The following ACBD6 variants were observed in gnomAD, a reference collection of about 807,000 sequenced individuals.
ACBD6 encodes the protein acyl-CoA binding domain containing 6, also known as acyl-CoA-binding domain-containing protein 6.
ACBD6 carries 28 observed loss-of-function variants against 37.2 expected under a neutral mutation model. The observed-to-expected ratio is 0.75, with a 90% CI of 0.56 to 1.03. The LOEUF is 1.03. Ranked by LOEUF, ACBD6 falls within the 50% of genes least tolerant of loss-of-function variation. The pLI is 0.00. For missense variants in ACBD6, 340 were observed against 337.4 expected (o/e 1.01, Z -0.06); for synonymous variants, 113 against 126.8 (o/e 0.89, Z 0.73).
chr1:180,316,283 T>G (rs1237380500), intron 6 of ACBD6, among the ~76,000 whole-genome samples: 1 of 151,908 alleles, frequency 6.6e-6, no homozygotes, highest in Non-Finnish European at 1.5e-5. Flanking sequence ...ATATCTATAT[T>G]TGTCAGCTTC....
intron 5 of ACBD6, among the ~76,000 whole-genome samples, chr1:180,410,427 A>G (rs1218379211): frequency 6.6e-6 from 1 of 152,212 alleles, no homozygotes; most frequent in Non-Finnish European, 1.5e-5. Flanking sequence ...CCTGGCCTCA[A>G]AGCTTCAAAA....
intron 6 of ACBD6, among the ~76,000 whole-genome samples, chr1:180,391,887 C>G (rs1204481443): frequency 9.1e-6 from 1 of 110,196 alleles, no homozygotes; most frequent in Non-Finnish European, 2.3e-5. Flanking sequence ...TAGCCAGACA[C>G]TGAAGGAAAA....
At chr1:180,316,041 T>G (rs559897042) in intron 6 of ACBD6, among the ~76,000 whole-genome samples, 1 of 152,236 alleles carries the variant, frequency 6.6e-6, no homozygotes, top group East Asian at 1.9e-4. Context: ...TACTTTTTTT[T>G]CTTGTCTTTT....
chr1:180,394,966 C>CGT (rs1387812094), intron 6 of ACBD6, among the ~76,000 whole-genome samples: 1 of 152,070 alleles, frequency 6.6e-6, no homozygotes, highest in Non-Finnish European at 1.5e-5. Flanking sequence ...AAAATACCAT[C>CGT]AATACAATGG....
chr1:180,333,676 T>C (rs1651576682), intron 6 of ACBD6, among the ~76,000 whole-genome samples: 1 of 152,138 alleles, frequency 6.6e-6, no homozygotes, highest in Admixed American at 6.5e-5. Context: ...TGCAGGACAG[T>C]GAGTGCAGCG....
intron 6 of ACBD6, 93 bp downstream of exon 6, chr1:180,397,423 T>C (rs1052917836): frequency 1.0e-5 from 11 of 1,094,502 alleles, no homozygotes; most frequent in East Asian, 9.4e-5. Context: ...CGCCACTGAA[T>C]TGCACATTTC....
At chr1:180,401,298 A>G (rs892084745) in intron 5 of ACBD6, among the ~76,000 whole-genome samples, 1 of 152,234 alleles carries the variant, frequency 6.6e-6, no homozygotes, top group South Asian at 2.1e-4. Context: ...GAATGACTCT[A>G]AAGTGCTTTG....
rs1371222300 is a variant in ACBD6, at chr1:180,430,210, A to G, written c.437T>C (p.Ile146Thr). 1.2e-5 allele frequency: 19 copies of G among 1,613,420 alleles called. No individual in the cohort carries two copies. Among genetic ancestry groups the G allele is most frequent in the Non-Finnish European group, 1.6e-5 (19 of 1,179,728 alleles). ...EANTGFGGPV[I>T]SSLYHEETIR... ...GGTTTCTTCATGATATAGAGAACTA[A>G]TAACTGGCCCACCAAAACCTGTATT... The change falls in exon 4 of 8, where the codon ATT becomes ACT. Residue 146 changes from isoleucine to threonine, a missense_variant. Physicochemically the swap from Ile to Thr is moderately conservative, Grantham distance 89. Coordinates refer to ENST00000367595, the MANE Select transcript of ACBD6 (RefSeq NM_032360.4).
chr1:180,322,845 A>T (rs1651125697), intron 6 of ACBD6, among the ~76,000 whole-genome samples: 1 of 148,036 alleles, frequency 6.8e-6, no homozygotes, highest in African/African-American at 2.5e-5. Flanking sequence ...TTTCAGTTTG[A>T]TTTATTTATT....
At chr1:180,403,770 T>C (rs576094877) in intron 5 of ACBD6, among the ~76,000 whole-genome samples, 1 of 152,294 alleles carries the variant, frequency 6.6e-6, no homozygotes, top group South Asian at 2.1e-4. Flanking sequence ...TGACACATGC[T>C]ACAACATGAA....
At chr1:180,422,630 T>C (rs10913990) in intron 4 of ACBD6, among the ~76,000 whole-genome samples, 16,341 of 152,248 alleles carry the variant, frequency 0.11, 1,288 homozygotes, top group African/African-American at 0.21. Flanking sequence ...TTTCTTATAA[T>C]GTCATGACAT....
chr1:180,297,658 T>C (rs1270064526), intron 7 of ACBD6, among the ~76,000 whole-genome samples: 1 of 152,178 alleles, frequency 6.6e-6, no homozygotes. Context: ...GTATCATCTT[T>C]ACCAAGGCCG....
chr1:180,398,545 C>T (rs1388170585), intron 5 of ACBD6, among the ~76,000 whole-genome samples: 1 of 152,128 alleles, frequency 6.6e-6, no homozygotes, highest in Non-Finnish European at 1.5e-5. Flanking sequence ...GTGAAAGCCA[C>T]TTGTAAAAGA....
chr1:180,456,425 A>G (rs1649927534), intron 3 of ACBD6, among the ~76,000 whole-genome samples: 1 of 152,144 alleles, frequency 6.6e-6, no homozygotes, highest in Non-Finnish European at 1.5e-5. Flanking sequence ...AGATTAGAAG[A>G]CCATTAATGT....
intron 4 of ACBD6, among the ~76,000 whole-genome samples, chr1:180,417,966 A>C (rs1019247387): frequency 6.6e-6 from 1 of 152,208 alleles, no homozygotes; most frequent in Non-Finnish European, 1.5e-5. Flanking sequence ...ATAATGTTAG[A>C]AAATAATGCC....
intron 3 of ACBD6, among the ~76,000 whole-genome samples, chr1:180,488,648 G>C (rs74922398): frequency 0.064 from 9,653 of 151,868 alleles, 952 homozygotes; most frequent in African/African-American, 0.21. Context: ...AATCATAGCT[G>C]ACTGCAACCC....
At chr1:180,294,752 T>C (rs1205720092) in intron 7 of ACBD6, among the ~76,000 whole-genome samples, 2 of 151,912 alleles carry the variant, frequency 1.3e-5, no homozygotes, top group African/African-American at 4.8e-5. Context: ...TGGAGTGCGG[T>C]GGCACAATCA....
chr1:180,459,964 CTTCT>C (rs1650068369), intron 3 of ACBD6, among the ~76,000 whole-genome samples: 1 of 118,314 alleles, frequency 8.5e-6, no homozygotes, highest in Non-Finnish European at 1.7e-5. Context: ...GACCAGACTG[CTTCT>C]TTTTTTTTTT....
chr1:180,374,295 G>A (rs1408596481), intron 6 of ACBD6, among the ~76,000 whole-genome samples: 1 of 152,174 alleles, frequency 6.6e-6, no homozygotes, highest in East Asian at 1.9e-4. Context: ...TCGCTGCAGA[G>A]TATGTAAAAC....
Sources: allele counts gnomAD v4.1 joint callset (sites outside exome capture counted in the v4.1 genomes callset), GRCh38; gene constraint gnomAD v4.1.1; transcripts MANE v1.5; gene names NCBI Gene and HGNC (gene_info 2026-07-23, HGNC 2026-07-21).